The following LAMP1 variants were observed in gnomAD, a reference collection of about 807,000 sequenced individuals.
LAMP1 encodes lysosome associated membrane protein 1.
LAMP1 carries 7 observed loss-of-function variants against 37.5 expected under a neutral mutation model. The observed-to-expected ratio is 0.19, with a 90% CI of 0.11 to 0.35. The LOEUF (loss-of-function observed/expected upper bound fraction) is 0.35, where lower values mean the gene tolerates loss of function less well. LAMP1 is among the 10% of genes least tolerant of loss of function. The pLI, the probability that LAMP1 is intolerant of heterozygous loss-of-function variation, is 1.00. For synonymous variants in LAMP1, 236 were observed against 229.1 expected, an observed-to-expected ratio of 1.03 and a Z score of -0.27; for missense variants, 537 against 552.8, an observed-to-expected ratio of 0.97 and a Z score of 0.29.
intron 1 of LAMP1, among the ~76,000 whole-genome samples, chr13:113,301,303 C>T (rs899535269): frequency 6.6e-6 from 1 of 151,926 alleles, no homozygotes; most frequent in Non-Finnish European, 1.5e-5. Context: ...ATGGCGAGAC[C>T]AGTGTCTCTA....
chr13:113,301,624 AT>A (rs1393645147), intron 1 of LAMP1, among the ~76,000 whole-genome samples: 4 of 86,568 alleles, frequency 4.6e-5, no homozygotes, highest in Admixed American at 1.5e-4. Context: ...CTCTGTTTCC[AT>A]TTAAAAAAAA....
At chr13:113,315,320 C>T (rs1340245284) in intron 4 of LAMP1, among the ~76,000 whole-genome samples, 2 of 149,946 alleles carry the variant, frequency 1.3e-5, no homozygotes, top group South Asian at 2.1e-4. Context: ...TGGGGCGCGG[C>T]GTCCTGGAGG....
chr13:113,321,723 C>T lies in LAMP1; in HGVS notation c.1110C>T (p.Gly370=). The T allele has an allele frequency of 1.9e-6, 3 of 1,613,920 alleles. No homozygotes were observed. The highest frequency in any genetic ancestry group is 2.5e-6 in the Non-Finnish European group (3 of 1,180,036). The part of the protein sequence containing the change: ...QAFKVEGGQF[G]SVEECLLDEN... ...TCAAGGTGGAAGGTGGCCAGTTTGG[C>T]TCTGGTGAGTGTCACCGAGGGCAGC... The change falls in exon 8 of 9, where the codon GGC becomes GGT. Residue 370 remains glycine (G), a synonymous_variant. Transcript: ENST00000332556. This position sits in a 1 kb window ranked among gnomAD's most constrained non-coding sequence, Gnocchi z 5.6.
rs372906564 is a variant in LAMP1 at position 113,310,832 on chromosome 13, A to G, written c.527A>G (p.Gln176Arg). The G allele has an allele frequency of 3.1e-6, 5 of 1,613,770 alleles. No individual in the cohort carries two copies. ...GTAACGCTCCATGATGCCACCATCC[A>G]GGCGTACCTTTCCAACAGCAGCTTC... ...VTVTLHDATIQAYLSNSSFSR... is the reference protein window; with the variant it reads ...VTVTLHDATIRAYLSNSSFSR... The change falls in exon 4 of 9, where the codon CAG becomes CGG. Residue 176 changes from glutamine (Q) to arginine (R), a missense_variant. By Grantham distance (43) the Gln-to-Arg change is conservative (BLOSUM62 1). Transcript: ENST00000332556.
chr13:113,313,309 G>A (rs779925171), intron 4 of LAMP1, among the ~76,000 whole-genome samples: 6 of 152,214 alleles, frequency 3.9e-5, no homozygotes, highest in Non-Finnish European at 8.8e-5. Context: ...TGTTTCTTCA[G>A]GTTAATAATT....
In LAMP1 at chr13:113,310,711, A is replaced by G. The variant is rs2042626109; in HGVS notation, c.406A>G (p.Ile136Val). Residue 136 changes from isoleucine to valine, a missense_variant and splice_region_variant, in exon 4 of 9, where the codon ATC becomes GTC. Physicochemically the swap from Ile to Val is conservative, Grantham distance 29. Coordinates refer to ENST00000332556, the MANE Select transcript of LAMP1 (RefSeq NM_005561.4). ...HLFPNASSKE[I>V]KTVESITDIR... ...GATTTTTTTTTTTTTTAATCTAGAAATCAAGACTGTGGAATCTATAACTGA... is the reference window on the plus strand; with the variant it reads ...GATTTTTTTTTTTTTTAATCTAGAAGTCAAGACTGTGGAATCTATAACTGA... 1 of 1,576,752 alleles carries G rather than the reference A, an allele frequency of 6.3e-7. No homozygotes were observed.
At position 113,297,423 on chromosome 13, in the gene LAMP1, C is replaced by A. The variant is rs1323961040; in HGVS notation, c.-12C>A. The stretch of plus-strand genomic sequence containing the variant: ...CCCCCGCTCCCCGCACCGTACCCGG[C>A]CGCCTCGCGCCATGGCGGCCCCCGG... On this transcript the variant is annotated 5_prime_UTR_variant, in exon 1 of 9. Transcript: ENST00000332556. This position sits in a 1 kb window ranked among gnomAD's most constrained non-coding sequence, Gnocchi z 4.4. 2.3e-6 allele frequency: 2 copies of A among 883,978 alleles called. No individual in the cohort carries two copies. Among genetic ancestry groups the A allele is most frequent in the South Asian group, 4.0e-5 (1 of 24,890 alleles). 54.8% of individuals were successfully genotyped at this position (883,978 alleles called of 1,614,324 possible).
intron 1 of LAMP1, among the ~76,000 whole-genome samples, chr13:113,300,241 G>T (rs545564123): frequency 5.9e-5 from 9 of 152,160 alleles, no homozygotes; most frequent in African/African-American, 1.7e-4. Flanking sequence ...AGCACTTTGG[G>T]AGGCCCAGGT....
rs756230421 is a variant in LAMP1 at position 113,319,441 on chromosome 13, C to T, written c.563-28C>T. ...TGCTGATGGTTATGAGAAACCCAGA[C>T]CTGAATCTCCCTCCACTGCACCTGC... On this transcript the variant is annotated intron_variant, in intron 4 of 8. Transcript: ENST00000332556. 14 of 1,569,046 alleles carry T rather than the reference C, an allele frequency of 8.9e-6. No homozygotes were observed. In the African/African-American group the frequency reaches 1.2e-4, roughly 14 times the overall value.
chr13:113,309,010 T>A (rs935014797), intron 2 of LAMP1, among the ~76,000 whole-genome samples: 4 of 152,246 alleles, frequency 2.6e-5, no homozygotes, highest in African/African-American at 9.6e-5. Flanking sequence ...TTCTCAAATA[T>A]ATATCTCACC....
In LAMP1 at chr13:113,321,214, C is replaced by T; in HGVS notation, c.877-190C>T. ...GAAGGAACTAACCAAAATTTTCATT[C>T]CCCAGAGATACACAACGCCTTTTAT... On this transcript the variant is annotated intron_variant, in intron 6 of 8. Transcript: ENST00000332556. The surrounding 1 kb of genome is among the most constrained non-coding windows in gnomAD (Gnocchi z 5.6). 1 of 602,316 alleles carries T rather than the reference C, an allele frequency of 1.7e-6. No homozygotes were observed. Among genetic ancestry groups the T allele is most frequent in the South Asian group, 1.9e-5 (1 of 51,558 alleles). The allele number at this position is 602,316 out of a possible 1,614,324, so 37.3% of individuals were successfully genotyped here.
Position 113,321,057 on chromosome 13 carries a change from T to C in LAMP1, c.877-347T>C, listed in dbSNP as rs1053713963. On this transcript the variant is annotated intron_variant, in intron 6 of 8. Transcript: ENST00000332556. The surrounding 1 kb of genome is among the most constrained non-coding windows in gnomAD (Gnocchi z 5.6). ...TTAGCTGGGCGTAGTGGCGCACACC[T>C]GTGGTCCCAGCTACTTGGGAGGCTG... 4 of 335,528 alleles carry C rather than the reference T, an allele frequency of 1.2e-5. No homozygotes were observed. In the Admixed American group the frequency reaches 1.3e-4, roughly 11 times the overall value. The allele number at this position is 335,528 out of a possible 1,614,324, so 20.8% of individuals were successfully genotyped here.
At chr13:113,299,638 C>T (rs947074080) in intron 1 of LAMP1, among the ~76,000 whole-genome samples, 1 of 150,742 alleles carries the variant, frequency 6.6e-6, no homozygotes. Flanking sequence ...GCGTGATCTC[C>T]GTTCACTGCA....
chr13:113,302,129 C>T (rs2139356519), intron 1 of LAMP1, among the ~76,000 whole-genome samples: 1 of 152,198 alleles, frequency 6.6e-6, no homozygotes, highest in South Asian at 2.1e-4. Flanking sequence ...TCCCAAAGTG[C>T]TGGGATTACA....
In LAMP1 at chr13:113,320,378, A is replaced by G; in HGVS notation, c.784A>G (p.Lys262Glu). Residue 262 changes from lysine (K) to glutamate (E), a missense_variant, in exon 6 of 9, where the codon AAG (lysine) becomes GAG (glutamate). By Grantham distance (56) the Lys-to-Glu change is moderately conservative. Coordinates refer to ENST00000332556, the MANE Select transcript of LAMP1 (RefSeq NM_005561.4). The surrounding 1 kb of genome is among the most constrained non-coding windows in gnomAD (Gnocchi z 4.4). ...VTRLLNINPN[K>E]TSASGSCGAH... ...AAGGCTTCTCAACATCAACCCCAAC[A>G]AGACCTCGGCCAGCGGGAGCTGCGG... The G allele has an allele frequency of 6.2e-7, 1 of 1,613,874 alleles. No individual in the cohort carries two copies. The highest frequency in any genetic ancestry group is 8.5e-7 in the Non-Finnish European group (1 of 1,180,006).
Position 113,321,754 on chromosome 13 carries a change from C to T in LAMP1, c.1114+27C>T, listed in dbSNP as rs771897266. The T allele has an allele frequency of 2.2e-5, 35 of 1,610,330 alleles. No homozygotes were observed. In the East Asian group the frequency reaches 2.2e-4, roughly 10 times the overall value. On this transcript the variant is annotated intron_variant, in intron 8 of 8. Transcript: ENST00000332556. This position sits in a 1 kb window ranked among gnomAD's most constrained non-coding sequence, Gnocchi z 5.6. ...TGAGTGTCACCGAGGGCAGCTGTCG[C>T]GGGGTGTGGAGGACGTGCTTCAGAC...
chr13:113,301,826 GAATC>G (rs926415324), intron 1 of LAMP1, among the ~76,000 whole-genome samples: 1 of 144,382 alleles, frequency 6.9e-6, no homozygotes, highest in African/African-American at 2.5e-5. Flanking sequence ...ATATTTAAAA[GAATC>G]AAGCCAAGAA....
chr13:113,321,082 G>A lies in LAMP1; in HGVS notation c.877-322G>A, dbSNP rs1221435184. 3 of 347,772 alleles carry A rather than the reference G, an allele frequency of 8.6e-6. No homozygotes were observed. The highest frequency in any genetic ancestry group is 1.6e-5 in the Non-Finnish European group (3 of 182,324). The allele number at this position is 347,772 out of a possible 1,614,324, so 21.5% of individuals were successfully genotyped here. On this transcript the variant is annotated intron_variant, in intron 6 of 8. Transcript: ENST00000332556. The surrounding 1 kb of genome is among the most constrained non-coding windows in gnomAD (Gnocchi z 5.6). ...TGTGGTCCCAGCTACTTGGGAGGCT[G>A]AGGTGGGAGGATCACTTGAGCCCAG...
In LAMP1 at chr13:113,309,601, C is replaced by T. The variant is rs151070355; in HGVS notation, c.184-42C>T. The T allele has an allele frequency of 8.3e-4, 1,210 of 1,456,666 alleles. 1 individual carries two copies. Among genetic ancestry groups the T allele is most frequent in the Non-Finnish European group, 1.1e-3 (1,153 of 1,051,360 alleles). 90.2% of individuals were successfully genotyped at this position (1,456,666 alleles called of 1,614,324 possible). A position where few individuals can be genotyped will look rare whatever the true frequency, so the allele number is the denominator to read the frequency against. On this transcript the variant is annotated intron_variant, in intron 2 of 8. Transcript: ENST00000332556. ...ATCTCTTTCTTTGAACTTTTAATAA[C>T]CTGCATCCCAATTGGGTTACATTTA...
Sources: allele counts gnomAD v4.1 joint callset (sites outside exome capture counted in the v4.1 genomes callset), GRCh38; gene constraint gnomAD v4.1.1; non-coding constraint Gnocchi (gnomAD v3.1); transcripts MANE v1.5; gene names NCBI Gene and HGNC (gene_info 2026-07-23, HGNC 2026-07-21).